Variants in CDR2L observed in about 807,000 individuals in gnomAD.
The protein encoded by CDR2L is cerebellar degeneration-related protein 2-like.
Under a neutral mutation model 36.1 loss-of-function variants are expected in CDR2L, and 19 were observed. The ratio of observed to expected loss-of-function variants is 0.53; its 90% CI spans 0.37 to 0.77. The LOEUF (loss-of-function observed/expected upper bound fraction) is 0.77. CDR2L is among the 30% of genes least tolerant of loss of function. The probability of loss-of-function intolerance (pLI) is 0.00; values close to 1 mark genes in which losing one functional copy is unlikely to be tolerated. For missense variants in CDR2L, 575 were observed against 627.2 expected, an observed-to-expected ratio of 0.92 and a Z score of 0.89; for synonymous variants, 285 against 280.4, an observed-to-expected ratio of 1.02 and a Z score of -0.16.
chr17:75,002,100 G>A lies in CDR2L; in HGVS notation c.378G>A (p.Val126=). 1.9e-6 allele frequency: 3 copies of A among 1,600,842 alleles called. No individual in the cohort carries two copies. Among genetic ancestry groups the A allele is most frequent in the Non-Finnish European group, 1.7e-6 (2 of 1,174,852 alleles). The stretch of plus-strand genomic sequence containing the variant: ...CCATTGAGCGCCTCCAGGCTCAGGT[G>A]GAGGAGCTGCAGGCCCAGGTGGAGC... ...TETIERLQAQ[V]EELQAQVEQL... The change falls in exon 4 of 5, where the codon GTG becomes GTA. Residue 126 remains valine, a synonymous_variant. Transcript: ENST00000337231. This position sits in a 1 kb window ranked among gnomAD's most constrained non-coding sequence, Gnocchi z 4.1.
intron 1 of CDR2L, among the ~76,000 whole-genome samples, chr17:74,988,482 G>A: frequency 6.6e-6 from 1 of 152,366 alleles, no homozygotes; most frequent in Non-Finnish European, 1.5e-5. Flanking sequence ...CTGAGGCCGG[G>A]AGGCGGCTCC....
At chr17:74,988,346 G>A (rs2039776512) in intron 1 of CDR2L, among the ~76,000 whole-genome samples, 1 of 152,156 alleles carries the variant, frequency 6.6e-6, no homozygotes, top group African/African-American at 2.4e-5. Flanking sequence ...GGGGCGGGGG[G>A]CGGTCTTCCT....
At position 75,002,268 on chromosome 17, in the gene CDR2L, C is replaced by A. The variant is rs771245136; in HGVS notation, c.506+40C>A. 5 of 1,568,922 alleles carry A rather than the reference C, an allele frequency of 3.2e-6. No individual in the cohort carries two copies. The highest frequency in any genetic ancestry group is 3.5e-6 in the Non-Finnish European group (4 of 1,155,808). ...TGCTTGGTGTCTCTGGGATTGCCAG[C>A]CATGGGAGGAAGGAGAGGCAGCAGG... On this transcript the variant is annotated intron_variant, in intron 4 of 4. Coordinates refer to ENST00000337231, the MANE Select transcript of CDR2L (RefSeq NM_014603.3). This position sits in a 1 kb window ranked among gnomAD's most constrained non-coding sequence, Gnocchi z 4.1.
chr17:74,997,501 A>G (rs1181736860), intron 1 of CDR2L, among the ~76,000 whole-genome samples: 1 of 152,108 alleles, frequency 6.6e-6, no homozygotes, highest in Non-Finnish European at 1.5e-5. Flanking sequence ...CCATGCTCTT[A>G]TCACTCACTT....
Position 75,004,155 on chromosome 17 carries a change from A to G in CDR2L, c.*81A>G. On this transcript the variant is annotated 3_prime_UTR_variant, in exon 5 of 5. Coordinates refer to ENST00000337231, the MANE Select transcript of CDR2L (RefSeq NM_014603.3). ...TGGGCGGTGCAGCTTCCAGAGAGCG[A>G]GCGCCCTTTAGCGGCCTGCCACCAC... 5 of 1,227,102 alleles carry G rather than the reference A, an allele frequency of 4.1e-6. No individual in the cohort carries two copies. Among genetic ancestry groups the G allele is most frequent in the Non-Finnish European group, 5.6e-6 (5 of 892,630 alleles). 76.0% of individuals were successfully genotyped at this position (1,227,102 alleles called of 1,614,324 possible). A position where few individuals can be genotyped will look rare whatever the true frequency, so the allele number is the denominator to read the frequency against.
intron 1 of CDR2L, among the ~76,000 whole-genome samples, chr17:74,994,668 C>T (rs927124997): frequency 6.6e-6 from 1 of 152,044 alleles, no homozygotes; most frequent in African/African-American, 2.4e-5. Flanking sequence ...TGCAGTGTTG[C>T]AATCATAGAT....
At chr17:74,999,661 T>C in intron 2 of CDR2L, 45 bp downstream of exon 2, 1 of 1,226,880 alleles carries the variant, frequency 8.2e-7, no homozygotes, top group Non-Finnish European at 1.2e-6. Flanking sequence ...GAGGGCCCCT[T>C]GGCCTGTGTG....
At chr17:75,001,571 G>A in intron 3 of CDR2L, 82 bp downstream of exon 3, 2 of 1,250,230 alleles carry the variant, frequency 1.6e-6, no homozygotes, top group Non-Finnish European at 2.1e-6. Flanking sequence ...GGACTGATGG[G>A]TGTGACTTGT....
Position 75,004,374 on chromosome 17 carries a change from C to T in CDR2L, c.*300C>T, listed in dbSNP as rs1035249569. The T allele has an allele frequency of 6.1e-5, 21 of 344,010 alleles. No homozygotes were observed. Among genetic ancestry groups the T allele is most frequent in the Non-Finnish European group, 9.5e-5 (18 of 189,612 alleles). The allele number at this position is 344,010 out of a possible 1,614,324, so 21.3% of individuals were successfully genotyped here. ...CAGCCCCTGGCTTCCTGACCCTGCG[C>T]CTCACCCTCAGACTGGTGACCAGGC... On this transcript the variant is annotated 3_prime_UTR_variant, in exon 5 of 5. Coordinates refer to ENST00000337231, the MANE Select transcript of CDR2L (RefSeq NM_014603.3).
At chr17:74,996,067 A>G (rs1282978705) in intron 1 of CDR2L, among the ~76,000 whole-genome samples, 1 of 152,074 alleles carries the variant, frequency 6.6e-6, no homozygotes, top group Non-Finnish European at 1.5e-5. Flanking sequence ...GTGCAACTCA[A>G]CAGTTTTTAT....
In CDR2L at chr17:75,003,937, C is replaced by T; in HGVS notation, c.1261C>T (p.His421Tyr). The T allele has an allele frequency of 6.2e-7, 1 of 1,611,072 alleles. No individual in the cohort carries two copies. The highest frequency in any genetic ancestry group is 1.7e-5 in the Admixed American group (1 of 59,672). Reference protein sequence around the residue: ...VKAGEKSLSQHVEAVDKRLEQ... With the variant: ...VKAGEKSLSQYVEAVDKRLEQ... ...GGCAGGAGAGAAGAGCCTGAGCCAG[C>T]ACGTGGAGGCCGTGGACAAGCGGCT... Residue 421 changes from histidine to tyrosine, a missense_variant, in exon 5 of 5, where the codon CAC becomes TAC. Coordinates refer to ENST00000337231, the MANE Select transcript of CDR2L (RefSeq NM_014603.3).
At chr17:74,996,423 G>A (rs2039825990) in intron 1 of CDR2L, among the ~76,000 whole-genome samples, 1 of 120,478 alleles carries the variant, frequency 8.3e-6, no homozygotes, top group African/African-American at 3.2e-5. Context: ...CAGCCTGGGA[G>A]ACAAAGCGAG....
At chr17:74,990,976 C>T (rs575215221) in intron 1 of CDR2L, among the ~76,000 whole-genome samples, 46 of 152,378 alleles carry the variant, frequency 3.0e-4, no homozygotes, top group African/African-American at 1.1e-3. Flanking sequence ...CCTGATTCCA[C>T]TTTCCAGAAG....
chr17:75,000,430 G>A (rs2039858082), intron 2 of CDR2L, among the ~76,000 whole-genome samples: 1 of 150,290 alleles, frequency 6.7e-6, no homozygotes, highest in South Asian at 2.1e-4. Flanking sequence ...CTGAGTAGCT[G>A]GGACTACAGG....
chr17:75,000,925 AT>A (rs1280895371), intron 2 of CDR2L, among the ~76,000 whole-genome samples: 2 of 151,694 alleles, frequency 1.3e-5, no homozygotes, highest in African/African-American at 4.8e-5. Flanking sequence ...CTCAAAAAAA[AT>A]AAATTAATTA....
rs1484504123 is a variant in CDR2L at position 74,989,566 on chromosome 17, G to C, written c.79+1444G>C. Among the ~76,000 whole-genome samples, 2 of 152,148 alleles carry C rather than the reference G, an allele frequency of 1.3e-5. No individual in the cohort carries two copies. Among genetic ancestry groups the C allele is most frequent in the Non-Finnish European group, 2.9e-5 (2 of 68,028 alleles). On this transcript the variant is annotated intron_variant, in intron 1 of 4. Coordinates refer to ENST00000337231, the MANE Select transcript of CDR2L (RefSeq NM_014603.3). The surrounding 1 kb of genome is among the most constrained non-coding windows in gnomAD (Gnocchi z 4.2). ...GGGAGCTAGGAATAGTCACAGCCCT[G>C]ACCCTGAAGGTATACCCTGGCAGGT...
chr17:74,988,070 CT>C lies in CDR2L; in HGVS notation c.29del (p.Phe10SerfsTer21). The stretch of plus-strand genomic sequence containing the variant: ...TGCGGAGAGCCGCCGGGATGGAGGA[CT>C]TCTCCGCGGAGGAAGAGGAGTCCTG... MRRAAGMED[F>X]SAEEEESWYD... On this transcript the variant is annotated frameshift_variant, in exon 1 of 5. Coordinates refer to ENST00000337231, the MANE Select transcript of CDR2L (RefSeq NM_014603.3). LOFTEE classifies it high-confidence loss of function. The C allele has an allele frequency of 6.5e-7, 1 of 1,529,576 alleles. No individual in the cohort carries two copies. Among genetic ancestry groups the C allele is most frequent in the Non-Finnish European group, 8.8e-7 (1 of 1,139,664 alleles). The allele number at this position is 1,529,576 out of a possible 1,614,324, so 94.8% of individuals were successfully genotyped here. A position where few individuals can be genotyped will look rare whatever the true frequency, so the allele number is the denominator to read the frequency against.
chr17:74,988,943 G>T (rs917185752), intron 1 of CDR2L, among the ~76,000 whole-genome samples: 2 of 152,206 alleles, frequency 1.3e-5, no homozygotes, highest in African/African-American at 4.8e-5. Flanking sequence ...GGACAGAAAG[G>T]AAGAGGAGGC....
In CDR2L at chr17:75,003,708, C is replaced by G; in HGVS notation, c.1032C>G (p.Ser344Arg). Residue 344 changes from serine (S) to arginine (R), a missense_variant, in exon 5 of 5, where the codon AGC (serine) becomes AGG (arginine). By Grantham distance (110) the Ser-to-Arg change is moderately radical. Coordinates refer to ENST00000337231, the MANE Select transcript of CDR2L (RefSeq NM_014603.3). ...HAGNLTLHAN[S>R]VRKRGMSILR... The stretch of plus-strand genomic sequence containing the variant: ...GCAACCTCACACTGCACGCCAACAG[C>G]GTGCGCAAGCGGGGCATGTCCATCC... The G allele has an allele frequency of 6.8e-7, 1 of 1,464,750 alleles. No homozygotes were observed. Among genetic ancestry groups the G allele is most frequent in the Non-Finnish European group, 9.0e-7 (1 of 1,106,826 alleles). 90.7% of individuals were successfully genotyped at this position (1,464,750 alleles called of 1,614,324 possible).
Sources: allele counts gnomAD v4.1 joint callset (sites outside exome capture counted in the v4.1 genomes callset), GRCh38; gene constraint gnomAD v4.1.1; non-coding constraint Gnocchi (gnomAD v3.1); transcripts MANE v1.5; gene names NCBI Gene and HGNC (gene_info 2026-07-23, HGNC 2026-07-21).